The following ARHGAP26 variants were observed in gnomAD, a reference collection of about 807,000 sequenced individuals.
The protein encoded by ARHGAP26 is rho GTPase-activating protein 26.
ARHGAP26 carries 38 observed loss-of-function variants against 104.8 expected under a neutral mutation model. The observed-to-expected ratio is 0.36, with a 90% CI of 0.28 to 0.48. The LOEUF (loss-of-function observed/expected upper bound fraction) is 0.48, where lower values mean the gene tolerates loss of function less well. ARHGAP26 is among the 20% of genes least tolerant of loss of function. The pLI is 0.99. For missense variants in ARHGAP26, 704 were observed against 947.9 expected (o/e 0.74, Z 3.38); for synonymous variants, 341 against 340.0 (o/e 1.00, Z -0.03).
At chr5:142,986,142 A>G (rs1022511717) in intron 11 of ARHGAP26, among the ~76,000 whole-genome samples, 27 of 152,090 alleles carry the variant, frequency 1.8e-4, no homozygotes, top group Admixed American at 5.9e-4. Flanking sequence ...AAGTGTTCCT[A>G]TTTCTCCACA....
At chr5:143,175,100 G>C (rs184280150) in intron 20 of ARHGAP26, among the ~76,000 whole-genome samples, 1 of 152,308 alleles carries the variant, frequency 6.6e-6, no homozygotes, top group Admixed American at 6.5e-5. Context: ...CATAAAAGGA[G>C]CCCAAATGTT....
At chr5:143,155,578 C>G (rs1800379712) in intron 20 of ARHGAP26, among the ~76,000 whole-genome samples, 4 of 152,138 alleles carry the variant, frequency 2.6e-5, no homozygotes, top group Admixed American at 6.5e-5. Flanking sequence ...AGCAGGGTTT[C>G]TTTCCCAAGC....
intron 1 of ARHGAP26, among the ~76,000 whole-genome samples, chr5:142,856,469 G>A (rs1019188200): frequency 1.3e-5 from 2 of 152,066 alleles, no homozygotes; most frequent in African/African-American, 4.8e-5. Flanking sequence ...TTTTTTCGTT[G>A]TGGCAGAACC....
chr5:143,006,442 G>A (rs1054270781), intron 11 of ARHGAP26, among the ~76,000 whole-genome samples: 1 of 151,684 alleles, frequency 6.6e-6, no homozygotes, highest in African/African-American at 2.4e-5. Flanking sequence ...ATTCTACAGG[G>A]TAAGAGCAAG....
chr5:143,170,123 C>G (rs868393920), intron 20 of ARHGAP26: 1 of 152,180 alleles, frequency 6.6e-6, no homozygotes, highest in Non-Finnish European at 1.5e-5. Context: ...ATGGCAAACA[C>G]CGGTGTGCTG....
chr5:143,147,312 G>A lies in ARHGAP26; in HGVS notation c.1919G>A (p.Ser640Asn), dbSNP rs1197611926. ...NPNSILNSSS[S>N]LQPNMNSSDP... ...AACAGCATCCTTAATTCCAGCAGCA[G>A]CTTACAGCCCAACATGAACTCCAGT... is the stretch of plus-strand genomic sequence containing the variant. The change falls in exon 20 of 23, where the codon AGC becomes AAC. Residue 640 changes from serine (S) to asparagine (N), a missense_variant. Coordinates refer to ENST00000645722, the MANE Select transcript of ARHGAP26 (RefSeq NM_001135608.3). 3.1e-6 allele frequency: 5 copies of A among 1,613,922 alleles called. No homozygotes were observed. Among genetic ancestry groups the A allele is most frequent in the South Asian group, 2.2e-5 (2 of 91,076 alleles).
At chr5:143,097,360 G>GAAA (rs56116431) in intron 17 of ARHGAP26, among the ~76,000 whole-genome samples, 254 of 63,234 alleles carry the variant, frequency 4.0e-3, no homozygotes, top group African/African-American at 5.3e-3. Flanking sequence ...TCAAAAAAAA[G>GAAA]AAAAAAAAAA....
intron 11 of ARHGAP26, among the ~76,000 whole-genome samples, chr5:142,960,237 T>C (rs566384049): frequency 2.8e-4 from 42 of 152,324 alleles, no homozygotes; most frequent in African/African-American, 8.9e-4. Flanking sequence ...GAGCACCAAA[T>C]AGTAATCATG....
chr5:142,983,823 A>G (rs890521352), intron 11 of ARHGAP26, among the ~76,000 whole-genome samples: 12 of 152,228 alleles, frequency 7.9e-5, no homozygotes, highest in Admixed American at 1.3e-4. Flanking sequence ...ACATCTATTC[A>G]TATATAAACA....
At chr5:142,850,170 T>C (rs894591074) in intron 1 of ARHGAP26, among the ~76,000 whole-genome samples, 1 of 152,214 alleles carries the variant, frequency 6.6e-6, no homozygotes, top group Non-Finnish European at 1.5e-5. Context: ...CCCCTTCTTT[T>C]GGCCCTACTA....
rs1410059153 is a variant in ARHGAP26 at position 143,194,174 on chromosome 5, G to A, written c.1989-13024G>A. 6.6e-5 allele frequency: 10 copies of A among 152,246 alleles called. 1 individual carries two copies. The highest frequency in any genetic ancestry group is 6.5e-4 in the Admixed American group (10 of 15,282). 9.4% of individuals were successfully genotyped at this position (152,246 alleles called of 1,614,324 possible). On this transcript the variant is annotated intron_variant, in intron 20 of 22. Transcript: ENST00000645722. ...TAACTACATATTCCAGTCTGCCAGA[G>A]TAAGGAATTTATTCTACATTCGTTA... is the stretch of plus-strand genomic sequence containing the variant.
intron 1 of ARHGAP26, among the ~76,000 whole-genome samples, chr5:142,795,065 T>A (rs768531838): frequency 6.6e-6 from 1 of 152,078 alleles, no homozygotes; most frequent in South Asian, 2.1e-4. Context: ...TTTAAAAAAA[T>A]TTATAGCCCT....
intron 17 of ARHGAP26, among the ~76,000 whole-genome samples, chr5:143,069,209 G>T (rs1365940521): frequency 1.3e-5 from 2 of 152,020 alleles, no homozygotes; most frequent in East Asian, 3.8e-4. Context: ...AACCATGTCA[G>T]TATCTAATAT....
chr5:143,032,033 C>A (rs564847225), intron 12 of ARHGAP26, among the ~76,000 whole-genome samples: 220 of 152,292 alleles, frequency 1.4e-3, no homozygotes, highest in Non-Finnish European at 2.5e-3. Context: ...AGCATAAACC[C>A]ACCTCTCCTG....
intron 11 of ARHGAP26, among the ~76,000 whole-genome samples, chr5:142,936,904 A>G (rs1765503619): frequency 6.6e-6 from 1 of 152,160 alleles, no homozygotes; most frequent in Non-Finnish European, 1.5e-5. Context: ...TAAATGTAAA[A>G]TGTAACACTT....
intron 5 of ARHGAP26, among the ~76,000 whole-genome samples, chr5:142,888,200 G>C (rs1757993776): frequency 6.6e-6 from 1 of 152,224 alleles, no homozygotes; most frequent in Non-Finnish European, 1.5e-5. Flanking sequence ...CTGAGGCTCA[G>C]ATAGGATAAA....
At chr5:142,812,271 A>T (rs1764232221) in intron 1 of ARHGAP26, among the ~76,000 whole-genome samples, 1 of 152,112 alleles carries the variant, frequency 6.6e-6, no homozygotes, top group Admixed American at 6.5e-5. Flanking sequence ...TCATATTTTT[A>T]GAGCTGGGGT....
At chr5:142,912,521 A>C (rs544889462) in intron 9 of ARHGAP26, among the ~76,000 whole-genome samples, 1 of 152,212 alleles carries the variant, frequency 6.6e-6, no homozygotes, top group African/African-American at 2.4e-5. Flanking sequence ...ATCAAAATCT[A>C]TAAGTTGTAC....
chr5:142,846,559 C>T (rs1174761929), intron 1 of ARHGAP26, among the ~76,000 whole-genome samples: 1 of 152,214 alleles, frequency 6.6e-6, no homozygotes, highest in Non-Finnish European at 1.5e-5. Context: ...ACTGGGCCTG[C>T]TGCTTCTAGG....
Sources: gnomAD v4.1 joint callset for allele counts (sites outside exome capture counted in the v4.1 genomes callset) on GRCh38, gnomAD v4.1.1 for gene constraint, MANE v1.5 for transcripts, NCBI Gene and HGNC (gene_info 2026-07-23, HGNC 2026-07-21) for gene names.